Variants in PIDD1 observed in about 807,000 individuals in gnomAD.
The protein encoded by PIDD1 is p53-induced death domain-containing protein 1.
PIDD1 carries 72 observed loss-of-function variants against 80.0 expected under a neutral mutation model. That is an observed-to-expected ratio of 0.90 (90% CI 0.74 to 1.09). The LOEUF is 1.09. Among genes scored for constraint, PIDD1 ranks in the 50% least tolerant of loss-of-function variants. The pLI is 0.00. For synonymous variants in PIDD1, 655 were observed against 543.5 expected (o/e 1.21, Z -2.85); for missense variants, 1,329 against 1,228.3 (o/e 1.08, Z -1.23).
upstream of PIDD1, chr11:805,271 AGACCCCGCCCCTTG>A: frequency 1.0e-6 from 1 of 968,872 alleles, no homozygotes. Flanking sequence ...CGGGGACTGC[AGACCCCGCCCCTTG>A]GGCCCCGCCC....
At chr11:805,278 G>GC (rs531696152), upstream of PIDD1, 40 of 937,106 alleles carry the variant, frequency 4.3e-5, no homozygotes, top group East Asian at 8.1e-4. Context: ...TGCAGACCCC[G>GC]CCCCTTGGGC....
intron 15 of PIDD1, 79 bp from the exon 16 acceptor site, chr11:799,644 G>C (rs1865062655): frequency 2.0e-6 from 3 of 1,480,510 alleles, no homozygotes; most frequent in Admixed American, 2.3e-5. Context: ...TCGGAGTGTG[G>C]GGGAGTTCCC....
At position 800,703 on chromosome 11, in the gene PIDD1, C is replaced by T. The variant is rs1199644740; in HGVS notation, c.1918-37G>A. On this transcript the variant is annotated intron_variant, in intron 11 of 15. Coordinates refer to ENST00000347755, the MANE Select transcript of PIDD1 (RefSeq NM_145886.4). ...CCCGTGCAGCTCAGGACCCAAAGCT[C>T]TGCACCCCACCCCAGCCCTCTGGTC... is the stretch of plus-strand genomic sequence containing the variant. The T allele has an allele frequency of 4.5e-6, 7 of 1,556,566 alleles. 1 individual carries two copies. Among genetic ancestry groups the T allele is most frequent in the Non-Finnish European group, 6.1e-6 (7 of 1,156,284 alleles).
intron 7 of PIDD1, 94 bp from the exon 8 acceptor site, chr11:801,718 G>A (rs1419943393): frequency 8.5e-7 from 1 of 1,182,542 alleles, no homozygotes; most frequent in Non-Finnish European, 1.2e-6. Flanking sequence ...ACGGGGCGGG[G>A]TGGAAGGTGC....
chr11:799,238 G>T lies in PIDD1; in HGVS notation c.*69C>A. 1 of 1,438,894 alleles carries T rather than the reference G, an allele frequency of 6.9e-7. No individual in the cohort carries two copies. Among genetic ancestry groups the T allele is most frequent in the South Asian group, 1.3e-5 (1 of 74,256 alleles). The allele number at this position is 1,438,894 out of a possible 1,614,324, so 89.1% of individuals were successfully genotyped here. A position where few individuals can be genotyped will look rare whatever the true frequency, so the allele number is the denominator to read the frequency against. ...CAGGGACCCGTCCCCACACACTGGA[G>T]AGACTTGAAGGTGGGGGCTCTGCCC... is the stretch of plus-strand genomic sequence containing the variant. On this transcript the variant is annotated 3_prime_UTR_variant, in exon 16 of 16. Transcript: ENST00000347755.
upstream of PIDD1, chr11:805,293 C>G: frequency 3.4e-6 from 3 of 878,484 alleles, no homozygotes; most frequent in Non-Finnish European, 4.1e-6. Flanking sequence ...TTGGGCCCCG[C>G]CCCCTCGGGA....
intron 2 of PIDD1, 115 bp downstream of exon 2, chr11:803,979 G>T: frequency 8.5e-7 from 1 of 1,175,224 alleles, no homozygotes; most frequent in Non-Finnish European, 1.2e-6. Context: ...CACCTGGGGA[G>T]CCGGGAGGGG....
upstream of PIDD1, among the ~76,000 whole-genome samples, chr11:807,484 A>C (rs1418662999): frequency 6.9e-6 from 1 of 145,894 alleles, no homozygotes. Context: ...GTCTCAAAAA[A>C]ATAAAAAAAT....
chr11:804,154 C>G lies in PIDD1; in HGVS notation c.235G>C (p.Glu79Gln). ...TGAGGCAGCTGGGCCAGGGTGGCCT[C>G]CAGCAGCTGAGGGTCCTCGTGAGTG... ...LSTHEDPQLL[E>Q]ATLAQLPQSL... The change falls in exon 2 of 16, where the codon GAG becomes CAG. Residue 79 changes from glutamate (E) to glutamine (Q), a missense_variant. Physicochemically the swap from Glu to Gln is conservative, Grantham distance 29 (BLOSUM62 2). Transcript: ENST00000347755. 1 of 1,613,336 alleles carries G rather than the reference C, an allele frequency of 6.2e-7. No individual in the cohort carries two copies. The highest frequency in any genetic ancestry group is 8.5e-7 in the Non-Finnish European group (1 of 1,179,834).
rs771035534 is a variant in PIDD1 at position 800,759 on chromosome 11, C to G, written c.1917+3G>C. The G allele has an allele frequency of 1.2e-5, 19 of 1,546,926 alleles. No individual in the cohort carries two copies. Among genetic ancestry groups the G allele is most frequent in the Middle Eastern group, 1.7e-4 (1 of 6,006 alleles). ...CCTGCTGCCCTCCGGCCCGTGCCCC[C>G]ACCTTGTTTCGGGGCAGGCACTGCA... On this transcript the variant is annotated splice_donor_region_variant and intron_variant, in intron 11 of 15. Coordinates refer to ENST00000347755, the MANE Select transcript of PIDD1 (RefSeq NM_145886.4).
Position 799,963 on chromosome 11 carries a change from G to T in PIDD1, c.2326C>A (p.Pro776Thr), listed in dbSNP as rs1258689503. The change falls in exon 15 of 16, where the codon CCC becomes ACC. Residue 776 changes from proline to threonine, a missense_variant. Transcript: ENST00000347755. ...GTCTCGGCATCTCCCAGATTCAAGG[G>T]TGCCAAGGAGAGGCCAGCCCCCCGC... ...PRRGAGLSLA[P>T]LNLGDAETGF... The T allele has an allele frequency of 1.2e-6, 2 of 1,612,848 alleles. No homozygotes were observed. Among genetic ancestry groups the T allele is most frequent in the African/African-American group, 2.7e-5 (2 of 75,052 alleles).
upstream of PIDD1, chr11:805,268 T>G: frequency 1.0e-6 from 1 of 971,592 alleles, no homozygotes; most frequent in Non-Finnish European, 1.2e-6. Context: ...GGGCGGGGAC[T>G]GCAGACCCCG....
rs1176983695 is a variant in PIDD1 at position 799,808 on chromosome 11, G to A, written c.2474+7C>T. 1.9e-6 allele frequency: 3 copies of A among 1,555,878 alleles called. No individual in the cohort carries two copies. The East Asian group carries it at 6.9e-5, about 36-fold the overall frequency. ...GGCTGGCAGCCAGCGGGCAGTGGGA[G>A]CCTCACCGGAACTCGTGCCGGATGC... On this transcript the variant is annotated splice_region_variant and intron_variant, in intron 15 of 15. Coordinates refer to ENST00000347755, the MANE Select transcript of PIDD1 (RefSeq NM_145886.4).
upstream of PIDD1, chr11:805,530 C>T: frequency 1.2e-6 from 1 of 840,332 alleles, no homozygotes; most frequent in Non-Finnish European, 1.4e-6. Context: ...TTCTCGGGGC[C>T]CCGGGCCGCT....
At chr11:803,620 A>G in intron 2 of PIDD1, 33 bp from the exon 3 acceptor site, 3 of 1,577,240 alleles carry the variant, frequency 1.9e-6, no homozygotes, top group Non-Finnish European at 2.6e-6. Flanking sequence ...TGGCCCTCAG[A>G]GCCAGGGTCC....
At chr11:805,499 C>T (rs540383063), upstream of PIDD1, 5 of 573,934 alleles carry the variant, frequency 8.7e-6, no homozygotes, top group East Asian at 1.4e-4. Flanking sequence ...CGGAAGGCCA[C>T]GAAACCCGCC....
intron 5 of PIDD1, 61 bp downstream of exon 5, chr11:802,482 C>T (rs903047310): frequency 1.3e-5 from 21 of 1,601,336 alleles, no homozygotes; most frequent in Admixed American, 6.7e-5. Context: ...GAGAAGGTGT[C>T]GGAGGGGCCA....
chr11:805,268 T>C (rs1865707088), upstream of PIDD1: 8 of 971,592 alleles, frequency 8.2e-6, no homozygotes, highest in South Asian at 1.4e-4. Flanking sequence ...GGGCGGGGAC[T>C]GCAGACCCCG....
chr11:804,687 G>A (rs1388204370), intron 1 of PIDD1: 1 of 406,726 alleles, frequency 2.5e-6, no homozygotes, highest in Non-Finnish European at 4.4e-6. Flanking sequence ...ACCGGGCAGG[G>A]AGACCTCGCT....
Sources: allele counts gnomAD v4.1 joint callset (sites outside exome capture counted in the v4.1 genomes callset), GRCh38; gene constraint gnomAD v4.1.1; transcripts MANE v1.5; gene names NCBI Gene and HGNC (gene_info 2026-07-23, HGNC 2026-07-21).